TRIM66: variants seen among roughly 807,000 people sequenced by gnomAD.
TRIM66 encodes tripartite motif containing 66.
A neutral mutation model predicts 148.2 loss-of-function variants in TRIM66; 99 were observed. That is an observed-to-expected ratio of 0.67 (90% CI 0.57 to 0.79). The LOEUF (loss-of-function observed/expected upper bound fraction) is 0.79, where lower values mean the gene tolerates loss of function less well. TRIM66 is among the 30% of genes least tolerant of loss of function. The pLI, the probability that TRIM66 is intolerant of heterozygous loss-of-function variation, is 0.00. For missense variants in TRIM66, 1,666 were observed against 1,697.9 expected, an observed-to-expected ratio of 0.98 and a Z score of 0.33; for synonymous variants, 616 against 635.9, an observed-to-expected ratio of 0.97 and a Z score of 0.47.
intron 15 of TRIM66, among the ~76,000 whole-genome samples, chr11:8,631,946 T>C (rs1166150858): frequency 6.6e-6 from 1 of 152,096 alleles, no homozygotes; most frequent in African/African-American, 2.4e-5. Flanking sequence ...TGTGTAAATA[T>C]GCAATAGAAA....
At chr11:8,666,440 T>G (rs1159524976) in intron 6 of TRIM66, among the ~76,000 whole-genome samples, 3 of 152,060 alleles carry the variant, frequency 2.0e-5, no homozygotes, top group African/African-American at 7.2e-5. Context: ...TAAGCATGTT[T>G]CCATCTAACA....
rs2036802744 is a variant in TRIM66, at chr11:8,645,891, G to A, written c.958-4C>T. The stretch of plus-strand genomic sequence containing the variant: ...GCTTTCTCTCATTAGTAATCCCCTG[G>A]GTACAGAGAGAAGACAGAGTCCTTG... On this transcript the variant is annotated splice_polypyrimidine_tract_variant and splice_region_variant and intron_variant, in intron 11 of 24. Coordinates refer to ENST00000646038, the MANE Select transcript of TRIM66 (RefSeq NM_001388022.1). 1 of 1,551,252 alleles carries A rather than the reference G, an allele frequency of 6.4e-7. No individual in the cohort carries two copies. The highest frequency in any genetic ancestry group is 1.2e-5 in the South Asian group (1 of 84,060).
intron 17 of TRIM66, 128 bp from the exon 18 acceptor site, chr11:8,623,004 A>G (rs1442120556): frequency 1.4e-6 from 1 of 722,908 alleles, no homozygotes; most frequent in Non-Finnish European, 2.3e-6. Flanking sequence ...AGTTACCTAC[A>G]CTATAGTCAT....
intron 6 of TRIM66, among the ~76,000 whole-genome samples, chr11:8,659,663 T>A (rs1054123071): frequency 1.3e-5 from 2 of 152,050 alleles, no homozygotes; most frequent in African/African-American, 2.4e-5. Flanking sequence ...CAAACCCAAA[T>A]CTCTTGTGTG....
intron 6 of TRIM66, among the ~76,000 whole-genome samples, chr11:8,671,259 T>A (rs1039947435): frequency 2.6e-5 from 4 of 152,202 alleles, no homozygotes; most frequent in Non-Finnish European, 5.9e-5. Flanking sequence ...GCTAGAATAA[T>A]AAAATGAAGT....
chr11:8,657,359 G>A (rs1177825953), intron 6 of TRIM66, among the ~76,000 whole-genome samples: 1 of 152,156 alleles, frequency 6.6e-6, no homozygotes, highest in African/African-American at 2.4e-5. Flanking sequence ...ATCCACTGGA[G>A]GAGCCTGATG....
intron 6 of TRIM66, among the ~76,000 whole-genome samples, chr11:8,659,717 A>G (rs1337434320): frequency 6.6e-6 from 1 of 152,190 alleles, no homozygotes; most frequent in Non-Finnish European, 1.5e-5. Context: ...AGCATCACAA[A>G]CAATTCTTAG....
intron 6 of TRIM66, among the ~76,000 whole-genome samples, chr11:8,657,390 C>T (rs549324604): frequency 3.9e-5 from 6 of 152,152 alleles, no homozygotes; most frequent in Non-Finnish European, 8.8e-5. Context: ...AGTTCCAACC[C>T]GTAGACCCAA....
At chr11:8,682,576 C>T (rs903180036) in intron 1 of TRIM66, 25 bp downstream of exon 1, 1 of 592,248 alleles carries the variant, frequency 1.7e-6, no homozygotes, top group Non-Finnish European at 3.0e-6. Flanking sequence ...TTCTCGCCCT[C>T]CGAGCCTAGC....
rs147088164 is a variant in TRIM66 at position 8,625,463 on chromosome 11, T to TTGTGTGTGTG, written c.2311-245_2311-236dup. On this transcript the variant is annotated intron_variant, in intron 15 of 24. Coordinates refer to ENST00000646038, the MANE Select transcript of TRIM66 (RefSeq NM_001388022.1). ...AGAGAGAGGCACAAGCGGAGAACTA[T>TTGTGTGTGTG]TGTGTGTGTGTGTGTGTGTGTGTGT... Among the ~76,000 whole-genome samples, 374 of 148,248 alleles carry TTGTGTGTGTG rather than the reference T, an allele frequency of 2.5e-3. 2 individuals carry two copies. Among genetic ancestry groups the TTGTGTGTGTG allele is most frequent in the African/African-American group, 7.7e-3 (309 of 40,078 alleles).
At position 8,617,713 on chromosome 11, in the gene TRIM66, GTAA is replaced by G. The variant is rs1565465527; in HGVS notation, c.*228_*230del. 1 of 532,190 alleles carries G rather than the reference GTAA, an allele frequency of 1.9e-6. No homozygotes were observed. Among genetic ancestry groups the G allele is most frequent in the African/African-American group, 1.9e-5 (1 of 52,930 alleles). 33.0% of individuals were successfully genotyped at this position (532,190 alleles called of 1,614,324 possible). On this transcript the variant is annotated 3_prime_UTR_variant, in exon 25 of 25. Coordinates refer to ENST00000646038, the MANE Select transcript of TRIM66 (RefSeq NM_001388022.1). ...GGAGCCTATACATCTGATTACTCTG[GTAA>G]TAATAAATACCTTCCTCTTTCCTGT...
intron 4 of TRIM66, 141 bp from the exon 5 acceptor site, chr11:8,672,526 G>C (rs12575252): frequency 0.38 from 343,571 of 902,862 alleles, 68,941 homozygotes; most frequent in East Asian, 0.62. Flanking sequence ...AGGAAACAGT[G>C]TTAGAGAGGC....
chr11:8,618,000 TCTC>T lies in TRIM66; in HGVS notation c.4120_4122del (p.Glu1374del). ...AATGACATTCTTTTTGCTCTTTCAT[TCTC>T]CTGAAAGAAAAATATATATTTGGAA... is the stretch of plus-strand genomic sequence containing the variant. On this transcript the variant is annotated inframe_deletion and splice_region_variant, in exon 25 of 25. Transcript: ENST00000646038. 6.4e-7 allele frequency: 1 copy of T among 1,551,486 alleles called. No homozygotes were observed. The highest frequency in any genetic ancestry group is 1.2e-5 in the South Asian group (1 of 84,052).
At chr11:8,657,971 C>A (rs1407962867) in intron 6 of TRIM66, among the ~76,000 whole-genome samples, 2 of 152,244 alleles carry the variant, frequency 1.3e-5, no homozygotes, top group Non-Finnish European at 2.9e-5. Flanking sequence ...GAGACCACCA[C>A]AGGTCCCAGA....
At chr11:8,635,280 A>G (rs2035777232) in intron 15 of TRIM66, among the ~76,000 whole-genome samples, 1 of 152,198 alleles carries the variant, frequency 6.6e-6, no homozygotes, top group Non-Finnish European at 1.5e-5. Context: ...GGGGAATAAG[A>G]AAGTGGCTTC....
rs546163231 is a variant in TRIM66 at position 8,618,079 on chromosome 11, T to C, written c.4120-76A>G. ...TTAACATGAAAAGGCTATGTCAAGA[T>C]TGCAGTTCTGCCAAGTCAACGTATT... On this transcript the variant is annotated intron_variant, in intron 24 of 24. Coordinates refer to ENST00000646038, the MANE Select transcript of TRIM66 (RefSeq NM_001388022.1). 3.4e-5 allele frequency: 47 copies of C among 1,397,838 alleles called. 2 individuals are homozygous for C. The South Asian group carries it at 4.8e-4, about 14-fold the overall frequency. The allele number at this position is 1,397,838 out of a possible 1,614,324, so 86.6% of individuals were successfully genotyped here. A position where few individuals can be genotyped will look rare whatever the true frequency, so the allele number is the denominator to read the frequency against.
intron 11 of TRIM66, 57 bp from the exon 12 acceptor site, chr11:8,645,944 G>A: frequency 6.6e-7 from 1 of 1,521,054 alleles, no homozygotes; most frequent in Admixed American, 2.0e-5. Flanking sequence ...TAATCCACCT[G>A]CTTGGGAAGT....
rs2039337693 is a variant in TRIM66, at chr11:8,679,983, C to T, written c.-467G>A. The T allele has an allele frequency of 6.6e-6, 1 of 152,326 alleles. No individual in the cohort carries two copies. Among genetic ancestry groups the T allele is most frequent in the South Asian group, 2.1e-4 (1 of 4,836 alleles). The allele number at this position is 152,326 out of a possible 1,614,324, so 9.4% of individuals were successfully genotyped here. On this transcript the variant is annotated 5_prime_UTR_variant, in exon 2 of 25. Transcript: ENST00000646038. ...CACACGTAAAATGAGGCTGGTAGTG[C>T]TGTACCTTCAGGCAGATGTATTTTG... is the stretch of plus-strand genomic sequence containing the variant.
At position 8,641,111 on chromosome 11, in the gene TRIM66, C is replaced by CATCT. The variant is rs1351418393; in HGVS notation, c.1260_1263dup (p.Ala422ArgfsTer29). 1 of 1,551,588 alleles carries CATCT rather than the reference C, an allele frequency of 6.4e-7. No individual in the cohort carries two copies. Among genetic ancestry groups the CATCT allele is most frequent in the Non-Finnish European group, 8.7e-7 (1 of 1,146,980 alleles). ...CCCTGTAAGCCTCCATAAGCAGGAG[C>CATCT]ATCTGCCCTGGACATTTGTCCACCT... On this transcript the variant is annotated frameshift_variant, in exon 14 of 25. Coordinates refer to ENST00000646038, the MANE Select transcript of TRIM66 (RefSeq NM_001388022.1). LOFTEE classifies it high-confidence loss of function.
Sources: gnomAD v4.1 joint callset for allele counts (sites outside exome capture counted in the v4.1 genomes callset) on GRCh38, gnomAD v4.1.1 for gene constraint, MANE v1.5 for transcripts, NCBI Gene and HGNC (gene_info 2026-07-23, HGNC 2026-07-21) for gene names.